Variants in CDH13 observed in about 807,000 individuals in gnomAD.
CDH13 encodes the protein cadherin 13.
CDH13 carries 24 observed loss-of-function variants against 63.8 expected under a neutral mutation model. The observed-to-expected ratio is 0.38, with a 90% CI of 0.27 to 0.53. The LOEUF (loss-of-function observed/expected upper bound fraction) is 0.53, where lower values mean the gene tolerates loss of function less well. CDH13 is among the 20% of genes least tolerant of loss of function. CDH13 has a pLI of 0.85. For missense variants in CDH13, 1,049 were observed against 903.1 expected (o/e 1.16, Z -2.07); for synonymous variants, 503 against 355.3 (o/e 1.42, Z -4.67).
intron 2 of CDH13, among the ~76,000 whole-genome samples, chr16:82,869,664 C>T (rs762086445): frequency 1.3e-5 from 2 of 152,024 alleles, no homozygotes; most frequent in Non-Finnish European, 2.9e-5. Flanking sequence ...GAATAGCTAA[C>T]CCAGAAATCT....
intron 5 of CDH13, among the ~76,000 whole-genome samples, chr16:83,262,115 A>C (rs1567547587): frequency 6.6e-6 from 1 of 152,214 alleles, no homozygotes; most frequent in Non-Finnish European, 1.5e-5. Flanking sequence ...TCCAGGTGGA[A>C]GACACACAAC....
chr16:82,727,754 C>T (rs1205673562), intron 1 of CDH13: 1 of 152,178 alleles, frequency 6.6e-6, no homozygotes, highest in African/African-American at 2.4e-5. Flanking sequence ...ACTATGTGAT[C>T]AGTTTCCAAA....
At chr16:83,136,100 A>C (rs1256615948) in intron 4 of CDH13, among the ~76,000 whole-genome samples, 3 of 151,962 alleles carry the variant, frequency 2.0e-5, no homozygotes, top group African/African-American at 4.8e-5. Context: ...GGTGCACCAA[A>C]ATCTCACATA....
chr16:83,144,997 T>A (rs1388565621), intron 4 of CDH13, among the ~76,000 whole-genome samples: 1 of 152,192 alleles, frequency 6.6e-6, no homozygotes, highest in Non-Finnish European at 1.5e-5. Context: ...GTGATACAGA[T>A]GGCCCATGTT....
At chr16:83,661,482 C>CAAAA (rs35875178) in intron 8 of CDH13, among the ~76,000 whole-genome samples, 1 of 116,790 alleles carries the variant, frequency 8.6e-6, no homozygotes, top group African/African-American at 3.0e-5. Context: ...GACCCTGTCT[C>CAAAA]AAAAAAAAAA....
intron 2 of CDH13, among the ~76,000 whole-genome samples, chr16:82,885,627 A>G (rs778104404): frequency 1.3e-4 from 20 of 152,024 alleles, no homozygotes; most frequent in Non-Finnish European, 2.5e-4. Context: ...ATCTATCTGT[A>G]TATTCTTTAA....
intron 4 of CDH13, among the ~76,000 whole-genome samples, chr16:83,192,746 C>T (rs2038758322): frequency 6.6e-6 from 1 of 152,094 alleles, no homozygotes. Flanking sequence ...AGGGACTATA[C>T]AGACACTTTA....
chr16:83,755,350 A>T (rs1913420197), intron 11 of CDH13, among the ~76,000 whole-genome samples: 1 of 152,178 alleles, frequency 6.6e-6, no homozygotes, highest in African/African-American at 2.4e-5. Context: ...GAGTTACAGA[A>T]GGATAGGAGA....
intron 2 of CDH13, among the ~76,000 whole-genome samples, chr16:82,931,236 G>C (rs959117836): frequency 1.3e-5 from 2 of 152,148 alleles, no homozygotes; most frequent in African/African-American, 4.8e-5. Flanking sequence ...ACCCTGCACA[G>C]AATTTTCTCA....
At chr16:83,488,622 A>AT (rs971974377) in intron 7 of CDH13, among the ~76,000 whole-genome samples, 41 of 151,022 alleles carry the variant, frequency 2.7e-4, no homozygotes, top group African/African-American at 7.0e-4. Flanking sequence ...TTATTTTTTT[A>AT]TTTTTTTTAT....
At chr16:83,436,114 G>A (rs540531288) in intron 6 of CDH13, among the ~76,000 whole-genome samples, 1 of 152,122 alleles carries the variant, frequency 6.6e-6, no homozygotes, top group Admixed American at 6.5e-5. Flanking sequence ...CACAAAGAAT[G>A]ATTTGGTTCC....
At chr16:83,530,324 T>G (rs922601884) in intron 7 of CDH13, among the ~76,000 whole-genome samples, 1 of 152,222 alleles carries the variant, frequency 6.6e-6, no homozygotes, top group African/African-American at 2.4e-5. Flanking sequence ...GAGTCACCAC[T>G]GAGCTGACCT....
At chr16:83,094,694 G>A (rs755450191) in intron 3 of CDH13, among the ~76,000 whole-genome samples, 5 of 152,114 alleles carry the variant, frequency 3.3e-5, no homozygotes, top group East Asian at 3.9e-4. Flanking sequence ...AAATCCCATC[G>A]TCCTGTATTT....
chr16:83,191,077 G>C (rs1157007153), intron 4 of CDH13, among the ~76,000 whole-genome samples: 3 of 151,252 alleles, frequency 2.0e-5, no homozygotes, highest in African/African-American at 2.4e-5. Context: ...TGGCAGAAAG[G>C]CTTACATATT....
intron 1 of CDH13, among the ~76,000 whole-genome samples, chr16:82,628,136 C>T (rs949181023): frequency 6.6e-5 from 10 of 152,212 alleles, no homozygotes; most frequent in African/African-American, 2.2e-4. Context: ...GGGGGGCACG[C>T]CCTGCGCTGC....
intron 5 of CDH13, among the ~76,000 whole-genome samples, chr16:83,330,801 G>A (rs908583766): frequency 6.6e-6 from 1 of 152,184 alleles, no homozygotes; most frequent in African/African-American, 2.4e-5. Context: ...GGTCACATGA[G>A]CCCTATGCTT....
intron 2 of CDH13, among the ~76,000 whole-genome samples, chr16:83,015,867 T>C (rs1224694857): frequency 6.6e-6 from 1 of 151,496 alleles, no homozygotes; most frequent in East Asian, 1.9e-4. Flanking sequence ...ATTGCAAAAG[T>C]TGCCACTTGT....
chr16:83,143,796 C>T (rs935269815), intron 4 of CDH13, among the ~76,000 whole-genome samples: 7 of 152,048 alleles, frequency 4.6e-5, no homozygotes, highest in African/African-American at 1.7e-4. Context: ...TCCAGGCTTT[C>T]TCACCCACTA....
At chr16:82,864,893 C>T (rs1436250885) in intron 2 of CDH13, among the ~76,000 whole-genome samples, 2 of 152,174 alleles carry the variant, frequency 1.3e-5, no homozygotes, top group Non-Finnish European at 2.9e-5. Context: ...ATCAAGTTAG[C>T]TGCTTCCTGG....
Sources: gnomAD v4.1 joint callset for allele counts (sites outside exome capture counted in the v4.1 genomes callset) on GRCh38, gnomAD v4.1.1 for gene constraint, MANE v1.5 for transcripts, NCBI Gene and HGNC (gene_info 2026-07-23, HGNC 2026-07-21) for gene names.